Variants in GET4 observed in about 807,000 individuals in gnomAD.
The protein encoded by GET4 is Golgi to ER traffic protein 4 homolog.
A neutral mutation model predicts 40.0 loss-of-function variants in GET4; 20 were observed. The ratio of observed to expected loss-of-function variants is 0.50; its 90% CI spans 0.35 to 0.73. GET4 has a LOEUF of 0.73. Ranked by LOEUF, GET4 falls within the 30% of genes least tolerant of loss-of-function variation. The pLI, the probability that GET4 is intolerant of heterozygous loss-of-function variation, is 0.01. For missense variants in GET4, 557 were observed against 454.0 expected (o/e 1.23, Z -2.06); for synonymous variants, 280 against 194.6 (o/e 1.44, Z -3.65).
At chr7:881,696 T>G (rs1351934704) in intron 1 of GET4, 1 of 152,254 alleles carries the variant, frequency 6.6e-6, no homozygotes, top group African/African-American at 2.4e-5. Context: ...ATGTTTATTT[T>G]AGCCTCAGGT....
intron 1 of GET4, chr7:878,463 C>T (rs766232541): frequency 2.5e-5 from 11 of 443,318 alleles, no homozygotes; most frequent in Non-Finnish European, 4.7e-5. Context: ...CATGGGGTAC[C>T]TTCTAAACTG....
rs1844191948 is a variant in GET4, at chr7:886,554, T to G, written c.235-15T>G. The stretch of plus-strand genomic sequence containing the variant: ...GGCTTTGTTCTTGATTCTTGTGTGT[T>G]GCTTTCTCTTGTAGCAAAACAGTGC... On this transcript the variant is annotated splice_polypyrimidine_tract_variant and intron_variant, in intron 2 of 8. Transcript: ENST00000265857. 1 of 1,597,884 alleles carries G rather than the reference T, an allele frequency of 6.3e-7. No homozygotes were observed. The highest frequency in any genetic ancestry group is 8.6e-7 in the Non-Finnish European group (1 of 1,166,014).
At chr7:892,770 TGTG>T (rs945563164) in intron 6 of GET4, among the ~76,000 whole-genome samples, 9 of 142,634 alleles carry the variant, frequency 6.3e-5, no homozygotes, top group East Asian at 4.2e-4. Context: ...ATCCATGTGG[TGTG>T]GGGGTGTGTA....
rs551854688 is a variant in GET4 at position 879,400 on chromosome 7, AGAG to A, written c.155+2604_155+2606del. 3.9e-5 allele frequency among the ~76,000 whole-genome samples: 6 copies of A among 152,302 alleles called. No homozygotes were observed. The South Asian group carries it at 8.3e-4, about 21-fold the overall frequency. ...CTTGTTTGTGCCAGGAAATGAGAAA[AGAG>A]GAGTGTTTGTGTCGGTAGTTGTCAA... On this transcript the variant is annotated intron_variant, in intron 1 of 8. Coordinates refer to ENST00000265857, the MANE Select transcript of GET4 (RefSeq NM_015949.3).
rs1562899570 is a variant in GET4 at position 895,323 on chromosome 7, C to CTT, written c.896-10_896-9dup. On this transcript the variant is annotated splice_polypyrimidine_tract_variant and intron_variant, in intron 8 of 8. Coordinates refer to ENST00000265857, the MANE Select transcript of GET4 (RefSeq NM_015949.3). ...GCCCAGGCGTGACTGCCACGGTGTT[C>CTT]TTCTTTCCAGGGAACCTTCTGACCA... 2 of 1,474,690 alleles carry CTT rather than the reference C, an allele frequency of 1.4e-6. No homozygotes were observed. The highest frequency in any genetic ancestry group is 1.9e-6 in the Non-Finnish European group (2 of 1,060,808). The allele number at this position is 1,474,690 out of a possible 1,614,324, so 91.4% of individuals were successfully genotyped here. A position where few individuals can be genotyped will look rare whatever the true frequency, so the allele number is the denominator to read the frequency against.
At chr7:878,395 G>A (rs1844012791) in intron 1 of GET4, 2 of 470,710 alleles carry the variant, frequency 4.2e-6, no homozygotes, top group Admixed American at 2.3e-5. Context: ...GAACAGTCTG[G>A]CCAGTCACTA....
chr7:879,375 C>G (rs561902742), intron 1 of GET4, among the ~76,000 whole-genome samples: 1 of 152,222 alleles, frequency 6.6e-6, no homozygotes, highest in African/African-American at 2.4e-5. Context: ...GCTTAAAACA[C>G]TTGTTTGTGC....
At chr7:878,317 T>A in intron 1 of GET4, 1 of 471,170 alleles carries the variant, frequency 2.1e-6, no homozygotes, top group Non-Finnish European at 4.4e-6. Flanking sequence ...TGCAGAATGT[T>A]CAGTTGTTCT....
At chr7:890,840 T>C in intron 4 of GET4, 88 bp from the exon 5 acceptor site, 1 of 1,108,940 alleles carries the variant, frequency 9.0e-7, no homozygotes, top group Non-Finnish European at 1.4e-6. Context: ...GCAGGTGGGC[T>C]AGAATTAACA....
intron 5 of GET4, among the ~76,000 whole-genome samples, chr7:891,303 C>T (rs367646526): frequency 2.0e-5 from 3 of 152,268 alleles, no homozygotes; most frequent in East Asian, 1.9e-4. Flanking sequence ...GCCCTACACA[C>T]GCCCCTCGCC....
chr7:891,680 G>A (rs757173097), intron 5 of GET4, among the ~76,000 whole-genome samples: 1 of 152,262 alleles, frequency 6.6e-6, no homozygotes, highest in African/African-American at 2.4e-5. Flanking sequence ...CAAGGCGGGC[G>A]TTGGGGATTT....
chr7:887,043 C>T, intron 3 of GET4: 1 of 570,392 alleles, frequency 1.8e-6, no homozygotes, highest in Non-Finnish European at 3.3e-6. Context: ...ACTCCTAGTC[C>T]CTGCTGCTCT....
chr7:891,173 T>C (rs1412771600), intron 5 of GET4, 107 bp downstream of exon 5: 1 of 848,606 alleles, frequency 1.2e-6, no homozygotes, highest in Non-Finnish European at 1.8e-6. Context: ...CAGGATAAAC[T>C]GAGTTCACTC....
chr7:889,218 G>A (rs1255059996), intron 4 of GET4, among the ~76,000 whole-genome samples: 1 of 152,274 alleles, frequency 6.6e-6, no homozygotes, highest in African/African-American at 2.4e-5. Flanking sequence ...TGGGGTAGGT[G>A]CGGGCCCAGG....
At chr7:885,932 C>T (rs1261242109) in intron 1 of GET4, 124 bp from the exon 2 acceptor site, 4 of 697,136 alleles carry the variant, frequency 5.7e-6, no homozygotes, top group East Asian at 2.5e-5. Flanking sequence ...GCCCTGGGAG[C>T]GGCTGCTTTT....
At chr7:885,824 A>G (rs2128627723) in intron 1 of GET4, 1 of 537,432 alleles carries the variant, frequency 1.9e-6, no homozygotes, top group East Asian at 3.1e-5. Context: ...CTCCTGGTGT[A>G]TTTGGACACA....
At chr7:890,838 G>C in intron 4 of GET4, 90 bp from the exon 5 acceptor site, 4 of 1,081,588 alleles carry the variant, frequency 3.7e-6, no homozygotes, top group Non-Finnish European at 5.7e-6. Context: ...GGGCAGGTGG[G>C]CTAGAATTAA....
chr7:895,412 A>C lies in GET4; in HGVS notation c.974A>C (p.Glu325Ala). ...EESPSDGSPI[E>A]LD is the part of the protein sequence containing the mutation. ...AGCCCCAGCGACGGCAGCCCCATCG[A>C]GCTGGACTGAACTGGCCAGGCCACG... The change falls in exon 9 of 9, where the codon GAG becomes GCG. Residue 325 changes from glutamate (E) to alanine (A), a missense_variant. Glu to Ala is a moderately radical substitution (Grantham distance 107, BLOSUM62 -1). Coordinates refer to ENST00000265857, the MANE Select transcript of GET4 (RefSeq NM_015949.3). 1 of 1,569,764 alleles carries C rather than the reference A, an allele frequency of 6.4e-7. No homozygotes were observed. Among genetic ancestry groups the C allele is most frequent in the Non-Finnish European group, 8.8e-7 (1 of 1,141,692 alleles).
At chr7:881,380 G>A (rs892673895) in intron 1 of GET4, 4 of 147,858 alleles carry the variant, frequency 2.7e-5, no homozygotes, top group African/African-American at 7.4e-5. Flanking sequence ...GTGCATCTGC[G>A]GGCTGCACTT....
Sources: gnomAD v4.1 joint callset for allele counts (sites outside exome capture counted in the v4.1 genomes callset) on GRCh38, gnomAD v4.1.1 for gene constraint, MANE v1.5 for transcripts, NCBI Gene and HGNC (gene_info 2026-07-23, HGNC 2026-07-21) for gene names.